SAMMSON: variants seen among roughly 807,000 people sequenced by gnomAD.
SAMMSON encodes the protein long intergenic non-protein coding RNA 1212.
intron 4 of SAMMSON, among the ~76,000 whole-genome samples, chr3:70,236,931 T>G (rs1701615621): frequency 6.6e-6 from 1 of 152,226 alleles, no homozygotes; most frequent in Non-Finnish European, 1.5e-5. Flanking sequence ...TATTTCTTTA[T>G]TAAGCAAGTC....
intron 4 of SAMMSON, among the ~76,000 whole-genome samples, chr3:70,210,651 T>G (rs1239738292): frequency 1.3e-5 from 2 of 152,132 alleles, no homozygotes; most frequent in African/African-American, 4.8e-5. Context: ...TAGAGTTAAA[T>G]AAGGAACTCG....
chr3:70,336,858 G>GTGTGTGT (rs1491478364), intron 7 of SAMMSON, among the ~76,000 whole-genome samples: 3 of 135,808 alleles, frequency 2.2e-5, no homozygotes, highest in Admixed American at 7.6e-5. Context: ...GTGTGTGTGT[G>GTGTGTGT]GAGAGAGAGA....
chr3:70,347,747 A>G (rs937854962), intron 7 of SAMMSON, among the ~76,000 whole-genome samples: 7 of 152,160 alleles, frequency 4.6e-5, no homozygotes, highest in Non-Finnish European at 7.4e-5. Context: ...AATAAGACAT[A>G]TGGAAAACGT....
At chr3:70,199,053 T>C (rs903549776) in intron 4 of SAMMSON, among the ~76,000 whole-genome samples, 6 of 152,162 alleles carry the variant, frequency 3.9e-5, no homozygotes, top group Non-Finnish European at 8.8e-5. Context: ...AATCTCCAAG[T>C]GAATACTCTG....
At chr3:70,256,001 G>A (rs976200699) in intron 6 of SAMMSON, among the ~76,000 whole-genome samples, 1 of 152,088 alleles carries the variant, frequency 6.6e-6, no homozygotes, top group Non-Finnish European at 1.5e-5. Flanking sequence ...TTCTCCACTG[G>A]CATTGAACCA....
intron 4 of SAMMSON, among the ~76,000 whole-genome samples, chr3:70,190,187 G>A (rs149198324): frequency 6.6e-6 from 1 of 152,300 alleles, no homozygotes; most frequent in Non-Finnish European, 1.5e-5. Context: ...AATAAGAAGA[G>A]TTTGAGAAAG....
chr3:70,368,627 CCT>C (rs748291408), intron 9 of SAMMSON, among the ~76,000 whole-genome samples: 2 of 151,380 alleles, frequency 1.3e-5, no homozygotes, highest in African/African-American at 4.8e-5. Flanking sequence ...GAAACATTAT[CCT>C]CTCTCTATTG....
chr3:70,331,700 T>A (rs140882844), intron 7 of SAMMSON, among the ~76,000 whole-genome samples: 1 of 152,376 alleles, frequency 6.6e-6, no homozygotes, highest in Non-Finnish European at 1.5e-5. Flanking sequence ...AAAGCACAGC[T>A]GTTTTTGTTT....
chr3:70,356,280 G>T (rs1702828791), intron 8 of SAMMSON, among the ~76,000 whole-genome samples: 1 of 151,894 alleles, frequency 6.6e-6, no homozygotes, highest in South Asian at 2.1e-4. Context: ...TAATATAAAA[G>T]TTACCTATTA....
intron 6 of SAMMSON, among the ~76,000 whole-genome samples, chr3:70,251,040 A>G (rs1038746207): frequency 1.3e-5 from 2 of 152,238 alleles, no homozygotes; most frequent in African/African-American, 4.8e-5. Context: ...AGAGAGACTT[A>G]GAGAATATGC....
At chr3:70,427,414 A>G (rs574929834) in intron 2 of SAMMSON, among the ~76,000 whole-genome samples, 40 of 152,336 alleles carry the variant, frequency 2.6e-4, no homozygotes, top group African/African-American at 9.6e-4. Flanking sequence ...TGGTAATACC[A>G]TGAGGATTAC....
At chr3:70,367,005 C>G (rs943309140) in intron 9 of SAMMSON, among the ~76,000 whole-genome samples, 2 of 151,548 alleles carry the variant, frequency 1.3e-5, no homozygotes, top group Non-Finnish European at 3.0e-5. Flanking sequence ...TACTTTTGCT[C>G]ATTTATCCTT....
At chr3:70,070,507 A>G (rs528870003) in intron 3 of SAMMSON, among the ~76,000 whole-genome samples, 2 of 151,994 alleles carry the variant, frequency 1.3e-5, no homozygotes, top group African/African-American at 4.8e-5. Flanking sequence ...TTTGCCAAAT[A>G]TCTTACTCTT....
intron 4 of SAMMSON, among the ~76,000 whole-genome samples, chr3:70,102,534 G>T (rs1009660494): frequency 6.6e-6 from 1 of 152,156 alleles, no homozygotes; most frequent in African/African-American, 2.4e-5. Context: ...TCCAGTTCAG[G>T]CCACTTCTTT....
intron 6 of SAMMSON, among the ~76,000 whole-genome samples, chr3:70,254,519 T>C (rs1170823356): frequency 1.3e-5 from 2 of 152,200 alleles, no homozygotes; most frequent in African/African-American, 2.4e-5. Context: ...AAATTAGTTT[T>C]CACTTAGAGA....
chr3:70,284,551 G>A (rs978788037), intron 6 of SAMMSON, among the ~76,000 whole-genome samples: 5 of 152,084 alleles, frequency 3.3e-5, no homozygotes, highest in East Asian at 1.9e-4. Context: ...TATACACCAC[G>A]GAATACTATG....
chr3:70,006,131 T>C (rs1330813462), intron 1 of SAMMSON, among the ~76,000 whole-genome samples: 1 of 152,170 alleles, frequency 6.6e-6, no homozygotes, highest in East Asian at 1.9e-4. Flanking sequence ...ACCTTGCCTG[T>C]GCTAATCATG....
chr3:70,084,985 A>T (rs992888946), intron 4 of SAMMSON, among the ~76,000 whole-genome samples: 18 of 152,198 alleles, frequency 1.2e-4, no homozygotes, highest in Non-Finnish European at 2.9e-5. Flanking sequence ...AAGATGTCTT[A>T]CCTCAAGACT....
intron 4 of SAMMSON, chr3:70,140,390 T>C (rs149165932): frequency 1.5e-4 from 31 of 202,440 alleles, no homozygotes; most frequent in African/African-American, 5.5e-4. Context: ...GTGTATATCC[T>C]TCCAGTCACA....
Sources: allele counts gnomAD v4.1 joint callset (sites outside exome capture counted in the v4.1 genomes callset), GRCh38; gene constraint gnomAD v4.1.1; transcripts MANE v1.5; gene names NCBI Gene and HGNC (gene_info 2026-07-23, HGNC 2026-07-21).